SMYD1: variants seen among roughly 807,000 people sequenced by gnomAD.
The protein encoded by SMYD1 is SET and MYND domain containing 1, also known as histone-lysine N-methyltransferase SMYD1.
In SMYD1, 49 loss-of-function variants were observed where a neutral mutation model predicts 54.0. The observed-to-expected ratio is 0.91, with a 90% CI of 0.72 to 1.15. The LOEUF (loss-of-function observed/expected upper bound fraction) is 1.15, where lower values mean the gene tolerates loss of function less well. Ranked by LOEUF, SMYD1 falls within the 50% of genes most tolerant of loss-of-function variation. The pLI is 0.00. For missense variants in SMYD1, 653 were observed against 639.6 expected (o/e 1.02, Z -0.23); for synonymous variants, 269 against 234.2 (o/e 1.15, Z -1.36).
rs755465215 is a variant in SMYD1, at chr2:88,067,849, C to A, written c.-16C>A. On this transcript the variant is annotated 5_prime_UTR_variant, in exon 1 of 10. Coordinates refer to ENST00000419482, the MANE Select transcript of SMYD1 (RefSeq NM_198274.4). ...CAGTGTTAAATAACTGCCGCGCTGGCCTGACAGTCTCTGAGATGACAATAG... is the reference window on the plus strand; with the variant it reads ...CAGTGTTAAATAACTGCCGCGCTGGACTGACAGTCTCTGAGATGACAATAG... The A allele has an allele frequency of 1.1e-5, 17 of 1,611,864 alleles. No individual in the cohort carries two copies. The South Asian group carries it at 1.5e-4, about 15-fold the overall frequency.
chr2:88,108,302 C>G (rs1480359946), intron 8 of SMYD1, 69 bp from the exon 9 acceptor site: 1 of 1,405,634 alleles, frequency 7.1e-7, no homozygotes, highest in Admixed American at 2.6e-5. Flanking sequence ...GCACTTTATA[C>G]ATTATTAAAT....
At position 88,093,529 on chromosome 2, in the gene SMYD1, GA is replaced by G. The variant is rs768654218; in HGVS notation, c.675del (p.Lys225AsnfsTer8). The G allele has an allele frequency of 4.3e-5, 69 of 1,614,070 alleles. No individual in the cohort carries two copies. In the East Asian group the frequency reaches 4.9e-4, roughly 11 times the overall value. On this transcript the variant is annotated frameshift_variant, in exon 5 of 10. Coordinates refer to ENST00000419482, the MANE Select transcript of SMYD1 (RefSeq NM_198274.4). LOFTEE classifies it high-confidence loss of function. ...IFNNGNHEAV[K>X]SMFHTQMRIE... is the part of the protein sequence containing the mutation. ...TTTTGTCTTTCAGTCATGAGGCAGT[GA>G]AATCCATGTTTCATACCCAGATGAG...
At chr2:88,083,886 G>T (rs1010418944) in intron 1 of SMYD1, among the ~76,000 whole-genome samples, 4 of 152,134 alleles carry the variant, frequency 2.6e-5, no homozygotes, top group African/African-American at 9.7e-5. Flanking sequence ...CACTTGTCAG[G>T]AGTTCGAGAC....
At position 88,108,494 on chromosome 2, in the gene SMYD1, C is replaced by T. The variant is rs150344451; in HGVS notation, c.1269C>T (p.Leu423=). 244 of 1,609,770 alleles carry T rather than the reference C, an allele frequency of 1.5e-4. No individual in the cohort carries two copies. The highest frequency in any genetic ancestry group is 1.2e-3 in the Middle Eastern group (7 of 6,058). Residue 423 remains leucine, a synonymous_variant, in exon 9 of 10, where the codon CTC becomes CTT. Transcript: ENST00000419482. The part of the protein sequence containing the change: ...HGMICKAYAI[L]LVTHGPSHPI... ...TGATCTGCAAAGCCTATGCCATTCT[C>T]CTGGTGACACACGGACCCTCCCACC...
At chr2:88,086,513 A>G (rs1674328878) in intron 2 of SMYD1, among the ~76,000 whole-genome samples, 1 of 152,160 alleles carries the variant, frequency 6.6e-6, no homozygotes, top group Non-Finnish European at 1.5e-5. Flanking sequence ...GTGTCTCTAT[A>G]GGTCTCCTCC....
intron 1 of SMYD1, among the ~76,000 whole-genome samples, chr2:88,069,074 A>G (rs1673893501): frequency 6.6e-6 from 1 of 152,178 alleles, no homozygotes; most frequent in African/African-American, 2.4e-5. Context: ...CCTTGGCCAC[A>G]CTAGACTACC....
intron 2 of SMYD1, among the ~76,000 whole-genome samples, chr2:88,084,951 T>C (rs1674288448): frequency 6.6e-6 from 1 of 152,074 alleles, no homozygotes; most frequent in Non-Finnish European, 1.5e-5. Context: ...GGTTTTATCA[T>C]GTTGCCCAGG....
chr2:88,091,225 C>T, intron 4 of SMYD1, 83 bp downstream of exon 4: 1 of 1,460,156 alleles, frequency 6.8e-7, no homozygotes, highest in African/African-American at 1.4e-5. Flanking sequence ...AAGCCAAAGT[C>T]AACCTGCTAA....
Position 88,110,662 on chromosome 2 carries a change from C to A in SMYD1, c.*150C>A. The A allele has an allele frequency of 9.8e-7, 1 of 1,023,496 alleles. No homozygotes were observed. The highest frequency in any genetic ancestry group is 1.4e-6 in the Non-Finnish European group (1 of 736,818). The allele number at this position is 1,023,496 out of a possible 1,614,324, so 63.4% of individuals were successfully genotyped here. A position where few individuals can be genotyped will look rare whatever the true frequency, so the allele number is the denominator to read the frequency against. Reference sequence around the variant, plus strand: ...ATTTACTGCCCTATGTTTCCCAGAGCCATTTTGGCTCAATTCAAGTCTATT... The same window carrying A: ...ATTTACTGCCCTATGTTTCCCAGAGACATTTTGGCTCAATTCAAGTCTATT... On this transcript the variant is annotated 3_prime_UTR_variant, in exon 10 of 10. Transcript: ENST00000419482.
chr2:88,104,118 C>T (rs1045206757), intron 7 of SMYD1, among the ~76,000 whole-genome samples: 40 of 152,194 alleles, frequency 2.6e-4, no homozygotes, highest in Non-Finnish European at 5.3e-4. Context: ...AGGTGCCCGC[C>T]ACCACGCCTG....
chr2:88,106,492 G>T lies in SMYD1; in HGVS notation c.1145+4G>T. ...GGAGGATGGTGGACGGCTATATGTA[G>T]GTGACGATTCTAGGTCTCAGATAGT... On this transcript the variant is annotated splice_donor_region_variant and intron_variant, in intron 8 of 9. Coordinates refer to ENST00000419482, the MANE Select transcript of SMYD1 (RefSeq NM_198274.4). 18 of 1,611,552 alleles carry T rather than the reference G, an allele frequency of 1.1e-5. No individual in the cohort carries two copies. The highest frequency in any genetic ancestry group is 1.4e-5 in the Non-Finnish European group (17 of 1,177,820).
At chr2:88,100,140 C>T (rs58241174) in intron 6 of SMYD1, among the ~76,000 whole-genome samples, 1 of 152,252 alleles carries the variant, frequency 6.6e-6, no homozygotes, top group Non-Finnish European at 1.5e-5. Context: ...TCCTTAAATC[C>T]TGTCTGCAAA....
At chr2:88,091,545 T>C (rs1674462437) in intron 4 of SMYD1, among the ~76,000 whole-genome samples, 1 of 151,846 alleles carries the variant, frequency 6.6e-6, no homozygotes, top group South Asian at 2.1e-4. Flanking sequence ...GTGGACAGGG[T>C]TTAAGATACT....
chr2:88,107,665 G>A (rs1222955776), intron 8 of SMYD1, among the ~76,000 whole-genome samples: 6 of 152,286 alleles, frequency 3.9e-5, no homozygotes, highest in East Asian at 1.9e-4. Flanking sequence ...CCCCAGCCTC[G>A]CTGCCGCCTT....
At chr2:88,093,763 C>T (rs955421374) in intron 5 of SMYD1, among the ~76,000 whole-genome samples, 11 of 152,186 alleles carry the variant, frequency 7.2e-5, no homozygotes, top group Non-Finnish European at 1.3e-4. Flanking sequence ...CTTTATTTTG[C>T]CTCCTTTCTT....
chr2:88,108,288 A>G (rs2104017827), intron 8 of SMYD1, 83 bp from the exon 9 acceptor site: 1 of 1,357,646 alleles, frequency 7.4e-7, no homozygotes, highest in South Asian at 1.9e-5. Flanking sequence ...CTTAATCAAC[A>G]AGGGCACTTT....
In SMYD1 at chr2:88,108,985, A is replaced by G. The variant is rs118189480; in HGVS notation, c.1314+446A>G. Among the ~76,000 whole-genome samples the G allele has an allele frequency of 3.8e-3, 586 of 152,302 alleles. 15 individuals carry two copies. In the East Asian group the frequency reaches 0.064, roughly 17 times the overall value. ...TCACTCCTACCAAGTGGGTGGCACT[A>G]AGCAATTCACGAGGGATCTGCTCCC... is the stretch of plus-strand genomic sequence containing the variant. On this transcript the variant is annotated intron_variant, in intron 9 of 9. Coordinates refer to ENST00000419482, the MANE Select transcript of SMYD1 (RefSeq NM_198274.4).
At chr2:88,089,049 TGA>T (rs1428357833) in intron 3 of SMYD1, among the ~76,000 whole-genome samples, 2 of 152,150 alleles carry the variant, frequency 1.3e-5, no homozygotes, top group African/African-American at 4.8e-5. Context: ...AGAGATTGAT[TGA>T]GTCTAAGGAT....
At chr2:88,098,609 G>A (rs1674654296) in intron 6 of SMYD1, among the ~76,000 whole-genome samples, 1 of 151,876 alleles carries the variant, frequency 6.6e-6, no homozygotes, top group Admixed American at 6.6e-5. Context: ...GCTTCTTCAG[G>A]CATTAAAAAA....
Sources: allele counts gnomAD v4.1 joint callset (sites outside exome capture counted in the v4.1 genomes callset), GRCh38; gene constraint gnomAD v4.1.1; transcripts MANE v1.5; gene names NCBI Gene and HGNC (gene_info 2026-07-23, HGNC 2026-07-21).